Variants in MAN1B1 observed in about 807,000 individuals in gnomAD.
MAN1B1 encodes endoplasmic reticulum mannosyl-oligosaccharide 1,2-alpha-mannosidase.
A neutral mutation model predicts 75.5 loss-of-function variants in MAN1B1; 66 were observed. The observed-to-expected ratio is 0.87, with a 90% CI of 0.72 to 1.07. The LOEUF (loss-of-function observed/expected upper bound fraction) is 1.07. Among genes scored for constraint, MAN1B1 ranks in the 50% least tolerant of loss-of-function variants. The pLI, the probability that MAN1B1 is intolerant of heterozygous loss-of-function variation, is 0.00. For synonymous variants in MAN1B1, 453 were observed against 382.8 expected, an observed-to-expected ratio of 1.18 and a Z score of -2.14; for missense variants, 973 against 912.5, an observed-to-expected ratio of 1.07 and a Z score of -0.85.
At chr9:137,106,916 G>A (rs555486360) in intron 10 of MAN1B1, 107 bp downstream of exon 10, 83 of 1,482,362 alleles carry the variant, frequency 5.6e-5, no homozygotes, top group Non-Finnish European at 7.0e-5. Flanking sequence ...TGGCGCCCAC[G>A]TGGAGGCCCT....
intron 1 of MAN1B1, among the ~76,000 whole-genome samples, chr9:137,087,817 C>T (rs980823275): frequency 1.3e-5 from 2 of 152,190 alleles, no homozygotes; most frequent in East Asian, 1.9e-4. Flanking sequence ...AGCAATGTTC[C>T]TACTCCCTGC....
In MAN1B1 at chr9:137,102,393, TTACACACGCTGTTGCAG is replaced by T. The variant is rs1437347839; in HGVS notation, c.1254+722_1254+738del. The T allele has an allele frequency of 4.8e-6, 2 of 413,794 alleles. 1 individual carries two copies. Among genetic ancestry groups the T allele is most frequent in the Admixed American group, 5.4e-5 (2 of 37,004 alleles). The allele number at this position is 413,794 out of a possible 1,614,324, so 25.6% of individuals were successfully genotyped here. On this transcript the variant is annotated intron_variant, in intron 8 of 12. Coordinates refer to ENST00000371589, the MANE Select transcript of MAN1B1 (RefSeq NM_016219.5). The stretch of plus-strand genomic sequence containing the variant: ...GTTGCAGACGTGCAGGTCAGTGCTG[TTACACACGCTGTTGCAG>T]GCGTGCAGGTTGGTGGTGTTACATT...
intron 9 of MAN1B1, 159 bp downstream of exon 9, chr9:137,106,474 T>C: frequency 1.1e-6 from 1 of 948,442 alleles, no homozygotes; most frequent in Non-Finnish European, 1.6e-6. Flanking sequence ...CAGGCATTTA[T>C]GTGGAGGGCG....
At chr9:137,098,803 C>A (rs780303461) in intron 5 of MAN1B1, among the ~76,000 whole-genome samples, 39 of 151,750 alleles carry the variant, frequency 2.6e-4, no homozygotes, top group Non-Finnish European at 5.3e-4. Context: ...TCCAGGAGTT[C>A]AAGACCAGCC....
chr9:137,101,207 T>TA, intron 7 of MAN1B1, 54 bp downstream of exon 7: 1 of 1,605,606 alleles, frequency 6.2e-7, no homozygotes, highest in Non-Finnish European at 8.5e-7. Flanking sequence ...TTCAAGCAGT[T>TA]ACCCCTTTAG....
In MAN1B1 at chr9:137,106,108, C is replaced by T. The variant is rs759826430; in HGVS notation, c.1255-17C>T. ...CGGCCCTGGCCAGTAAACCCACCATCCCCCTTTCTGCCGCAGGAGGCAGTG... is the reference window on the plus strand; with the variant it reads ...CGGCCCTGGCCAGTAAACCCACCATTCCCCTTTCTGCCGCAGGAGGCAGTG... On this transcript the variant is annotated splice_polypyrimidine_tract_variant and intron_variant, in intron 8 of 12. Transcript: ENST00000371589. 2 of 1,609,156 alleles carry T rather than the reference C, an allele frequency of 1.2e-6. No individual in the cohort carries two copies. Among genetic ancestry groups the T allele is most frequent in the Admixed American group, 1.7e-5 (1 of 59,950 alleles).
intron 9 of MAN1B1, 47 bp downstream of exon 9, chr9:137,106,362 C>G: frequency 6.7e-7 from 1 of 1,502,402 alleles, no homozygotes; most frequent in Non-Finnish European, 9.0e-7. Context: ...CCCCCGTTCC[C>G]GCAGCCCCCC....
At chr9:137,097,985 T>A in intron 5 of MAN1B1, 48 bp downstream of exon 5, 2 of 1,409,782 alleles carry the variant, frequency 1.4e-6, no homozygotes, top group Non-Finnish European at 2.0e-6. Context: ...CAGGGGCTGG[T>A]GGCTGATGGG....
intron 3 of MAN1B1, among the ~76,000 whole-genome samples, chr9:137,093,016 T>C (rs960411513): frequency 3.3e-5 from 5 of 152,226 alleles, no homozygotes; most frequent in African/African-American, 1.2e-4. Flanking sequence ...ATGCTTCTTA[T>C]GACTTCATCC....
intron 8 of MAN1B1, chr9:137,104,833 G>A (rs182311782): frequency 4.0e-4 from 60 of 150,624 alleles, no homozygotes; most frequent in African/African-American, 1.4e-3. Context: ...TGTTTTGGGT[G>A]TTGTGAGTGT....
chr9:137,107,382 C>T lies in MAN1B1; in HGVS notation c.1699C>T (p.Leu567=). 1 of 1,613,442 alleles carries T rather than the reference C, an allele frequency of 6.2e-7. No individual in the cohort carries two copies. The highest frequency in any genetic ancestry group is 2.2e-5 in the East Asian group (1 of 44,872). Residue 567 remains leucine, a synonymous_variant, in exon 11 of 13, where the codon CTG becomes TTG. Coordinates refer to ENST00000371589, the MANE Select transcript of MAN1B1 (RefSeq NM_016219.5). ...YQMNRQMETG[L]SPEIVHFNLY... is the part of the protein sequence containing the mutation. Reference sequence around the variant, plus strand: ...GATGAACCGGCAGATGGAGACGGGGCTGAGTCCCGAGATCGTGCACTTCAA... The same window carrying T: ...GATGAACCGGCAGATGGAGACGGGGTTGAGTCCCGAGATCGTGCACTTCAA...
At chr9:137,096,170 C>G in intron 3 of MAN1B1, 67 bp from the exon 4 acceptor site, 1 of 1,566,768 alleles carries the variant, frequency 6.4e-7, no homozygotes, top group Non-Finnish European at 8.8e-7. Flanking sequence ...TGAGGGCGTC[C>G]CATAGAGGGA....
At chr9:137,106,527 G>A (rs965455813) in intron 9 of MAN1B1, 162 bp from the exon 10 acceptor site, 28 of 1,194,330 alleles carry the variant, frequency 2.3e-5, no homozygotes, top group Admixed American at 2.1e-4. Context: ...GGGTGAGGGG[G>A]GCATCTTCAC....
At chr9:137,102,283 A>G (rs1286887128) in intron 8 of MAN1B1, 15 of 403,668 alleles carry the variant, frequency 3.7e-5, no homozygotes, top group South Asian at 6.7e-5. Context: ...TGTTACACAC[A>G]TTCACTGTTG....
chr9:137,096,200 C>T (rs1830646673), intron 3 of MAN1B1, 37 bp from the exon 4 acceptor site: 1 of 1,613,418 alleles, frequency 6.2e-7, no homozygotes, highest in Non-Finnish European at 8.5e-7. Flanking sequence ...AGCTCGCAGA[C>T]ACCCCGTGAT....
intron 3 of MAN1B1, 174 bp downstream of exon 3, chr9:137,089,179 T>A: frequency 1.2e-6 from 1 of 822,150 alleles, no homozygotes; most frequent in Non-Finnish European, 2.0e-6. Context: ...AGTCTTTGCT[T>A]CATTCTTTTT....
At chr9:137,104,995 C>G (rs1346815913) in intron 8 of MAN1B1, 1 of 152,590 alleles carries the variant, frequency 6.6e-6, no homozygotes, top group African/African-American at 2.4e-5. Context: ...GTAGCTGGGA[C>G]CACACCCACC....
rs199499558 is a variant in MAN1B1, at chr9:137,092,364, AT to A, written c.465+3362del. ...CTCAAAAAATAATAATAATAATTTT[AT>A]TTGGATAAACACATGTATACATCAT... On this transcript the variant is annotated intron_variant, in intron 3 of 12. Transcript: ENST00000371589. 1.5e-4 allele frequency among the ~76,000 whole-genome samples: 23 copies of A among 152,332 alleles called. 1 individual carries two copies. In the East Asian group the frequency reaches 2.5e-3, roughly 17 times the overall value.
At chr9:137,104,179 C>T in intron 8 of MAN1B1, 1 of 419,278 alleles carries the variant, frequency 2.4e-6, no homozygotes, top group South Asian at 1.7e-5. Flanking sequence ...GTTTTTCTTC[C>T]TGGACCTCAT....
Sources: allele counts gnomAD v4.1 joint callset (sites outside exome capture counted in the v4.1 genomes callset), GRCh38; gene constraint gnomAD v4.1.1; transcripts MANE v1.5; gene names NCBI Gene and HGNC (gene_info 2026-07-23, HGNC 2026-07-21).